RBMS1: variants seen among roughly 807,000 people sequenced by gnomAD.
RBMS1 encodes RNA-binding motif, single-stranded-interacting protein 1.
RBMS1 carries 17 observed loss-of-function variants against 62.3 expected under a neutral mutation model. That is an observed-to-expected ratio of 0.27 (90% confidence interval 0.19 to 0.41). RBMS1 has a LOEUF of 0.41. Ranked by LOEUF, RBMS1 falls within the 10% of genes least tolerant of loss-of-function variation. The pLI is 1.00. For synonymous variants in RBMS1, 172 were observed against 170.0 expected (o/e 1.01, Z -0.09); for missense variants, 334 against 504.5 (o/e 0.66, Z 3.24).
At chr2:160,322,481 A>C (rs1690615281) in intron 2 of RBMS1, among the ~76,000 whole-genome samples, 1 of 152,222 alleles carries the variant, frequency 6.6e-6, no homozygotes. Context: ...GTGATTTCTG[A>C]CATTTATCAG....
chr2:160,482,195 G>C (rs1233643960), intron 1 of RBMS1, among the ~76,000 whole-genome samples: 1 of 151,950 alleles, frequency 6.6e-6, no homozygotes, highest in Non-Finnish European at 1.5e-5. Flanking sequence ...AGGAGCTAAG[G>C]AGGCCAGACA....
intron 6 of RBMS1, among the ~76,000 whole-genome samples, chr2:160,293,683 T>C (rs918845136): frequency 1.1e-4 from 17 of 152,118 alleles, no homozygotes; most frequent in African/African-American, 2.9e-4. Flanking sequence ...GTGGTGGTGG[T>C]GGCGAGGGGG....
intron 1 of RBMS1, among the ~76,000 whole-genome samples, chr2:160,410,505 GA>G (rs914448485): frequency 1.3e-5 from 2 of 149,798 alleles, no homozygotes; most frequent in African/African-American, 2.5e-5. Flanking sequence ...TGCAACGTAA[GA>G]AAAAAAAACA....
At chr2:160,375,071 G>C (rs1481630400) in intron 1 of RBMS1, among the ~76,000 whole-genome samples, 1 of 152,178 alleles carries the variant, frequency 6.6e-6, no homozygotes, top group African/African-American at 2.4e-5. Flanking sequence ...GGTTAGCCTG[G>C]ATGATTTCTA....
chr2:160,388,501 C>A (rs187871453), intron 1 of RBMS1, among the ~76,000 whole-genome samples: 1 of 152,170 alleles, frequency 6.6e-6, no homozygotes, highest in East Asian at 1.9e-4. Context: ...GGCTACTCCA[C>A]GGGATTCCAC....
At chr2:160,470,274 A>G (rs919706502) in intron 1 of RBMS1, among the ~76,000 whole-genome samples, 1 of 152,206 alleles carries the variant, frequency 6.6e-6, no homozygotes, top group African/African-American at 2.4e-5. Context: ...ATTATATGAA[A>G]AAGTATAACA....
chr2:160,416,278 T>TTC (rs1696204792), intron 1 of RBMS1: 1 of 151,958 alleles, frequency 6.6e-6, no homozygotes, highest in African/African-American at 2.4e-5. Context: ...TGACAACATA[T>TTC]TAGATACTCC....
At chr2:160,447,232 G>A (rs1280662479) in intron 1 of RBMS1, among the ~76,000 whole-genome samples, 2 of 152,068 alleles carry the variant, frequency 1.3e-5, no homozygotes, top group African/African-American at 4.8e-5. Context: ...GACCTCCAAG[G>A]TCATCTCAGA....
chr2:160,407,770 C>T, intron 1 of RBMS1: 2 of 981,308 alleles, frequency 2.0e-6, no homozygotes, highest in Non-Finnish European at 2.4e-6. Context: ...ACTCGAGCAG[C>T]TCGGGCAGCC....
At chr2:160,472,723 C>G (rs1394069393) in intron 1 of RBMS1, among the ~76,000 whole-genome samples, 1 of 152,108 alleles carries the variant, frequency 6.6e-6, no homozygotes, top group Non-Finnish European at 1.5e-5. Context: ...TGCTTAAGCT[C>G]AGTTGCAAAC....
chr2:160,297,860 G>C (rs1689018523), intron 6 of RBMS1, among the ~76,000 whole-genome samples: 1 of 152,232 alleles, frequency 6.6e-6, no homozygotes, highest in African/African-American at 2.4e-5. Context: ...AGGGAGACAG[G>C]ACTGCAGAAG....
intron 1 of RBMS1, among the ~76,000 whole-genome samples, chr2:160,436,896 A>T (rs1683133857): frequency 6.6e-6 from 1 of 152,176 alleles, no homozygotes; most frequent in Admixed American, 6.5e-5. Flanking sequence ...CATAGCCTCC[A>T]TTTTCACATT....
intron 6 of RBMS1, among the ~76,000 whole-genome samples, chr2:160,289,721 A>G (rs930708511): frequency 6.6e-6 from 1 of 152,110 alleles, no homozygotes; most frequent in Non-Finnish European, 1.5e-5. Context: ...TTTGTTTTCA[A>G]TAAAAATGCT....
intron 1 of RBMS1, among the ~76,000 whole-genome samples, chr2:160,391,978 T>G (rs1694888526): frequency 6.6e-6 from 1 of 151,830 alleles, no homozygotes; most frequent in Admixed American, 6.6e-5. Context: ...AAAACCAAAT[T>G]AATTAATTAA....
intron 4 of RBMS1, among the ~76,000 whole-genome samples, chr2:160,312,821 T>TAA (rs201315509): frequency 1.6e-4 from 23 of 143,416 alleles, no homozygotes; most frequent in Admixed American, 4.1e-4. Context: ...CATTTAAATT[T>TAA]AAAAAAAAAA....
chr2:160,492,977 C>A, intron 1 of RBMS1: 1 of 297,980 alleles, frequency 3.4e-6, no homozygotes, highest in South Asian at 8.6e-5. Flanking sequence ...CCAGCCAGGG[C>A]TCGGCGAGGG....
At chr2:160,357,685 T>C (rs543386680) in intron 2 of RBMS1, among the ~76,000 whole-genome samples, 25 of 152,246 alleles carry the variant, frequency 1.6e-4, no homozygotes, top group African/African-American at 5.5e-4. Flanking sequence ...TGAAGAAGCA[T>C]AGCCCATTAC....
intron 1 of RBMS1, among the ~76,000 whole-genome samples, chr2:160,376,466 ATT>A (rs1291658501): frequency 6.6e-6 from 1 of 152,112 alleles, no homozygotes; most frequent in East Asian, 1.9e-4. Flanking sequence ...CACTGAGAAA[ATT>A]TTTTGAATTA....
intron 1 of RBMS1, among the ~76,000 whole-genome samples, chr2:160,410,663 T>C (rs955018660): frequency 3.3e-5 from 5 of 152,158 alleles, no homozygotes; most frequent in African/African-American, 4.8e-5. Context: ...TTCTAACACA[T>C]AGAAAGTAAG....
Sources: allele counts gnomAD v4.1 joint callset (sites outside exome capture counted in the v4.1 genomes callset), GRCh38; gene constraint gnomAD v4.1.1; transcripts MANE v1.5; gene names NCBI Gene and HGNC (gene_info 2026-07-23, HGNC 2026-07-21).